Variants in PALLD observed in about 807,000 individuals in gnomAD.
PALLD encodes the protein palladin.
PALLD carries 61 observed loss-of-function variants against 123.5 expected under a neutral mutation model. The observed-to-expected ratio is 0.49, with a 90% CI of 0.40 to 0.61. PALLD has a LOEUF of 0.61. Among genes scored for constraint, PALLD ranks in the 20% least tolerant of loss-of-function variants. PALLD has a pLI of 0.00. For missense variants in PALLD, 1,273 were observed against 1,377.0 expected, an observed-to-expected ratio of 0.92 and a Z score of 1.20; for synonymous variants, 465 against 496.4, an observed-to-expected ratio of 0.94 and a Z score of 0.84.
At chr4:168,708,306 G>A (rs1266006199) in intron 8 of PALLD, among the ~76,000 whole-genome samples, 3 of 152,080 alleles carry the variant, frequency 2.0e-5, no homozygotes, top group East Asian at 1.9e-4. Context: ...CACAATAACC[G>A]TGTGGTGGTT....
At chr4:168,606,752 T>C (rs1773224387) in intron 2 of PALLD, among the ~76,000 whole-genome samples, 1 of 151,424 alleles carries the variant, frequency 6.6e-6, no homozygotes, top group African/African-American at 2.4e-5. Flanking sequence ...AAGAGCTTGG[T>C]GGCTGAACAC....
chr4:168,873,295 C>A (rs1751321451), intron 10 of PALLD, among the ~76,000 whole-genome samples: 1 of 152,138 alleles, frequency 6.6e-6, no homozygotes, highest in Admixed American at 6.5e-5. Flanking sequence ...AATATCAGGA[C>A]CAGAGGAGCT....
At chr4:168,747,506 T>C (rs1279480667) in intron 10 of PALLD, among the ~76,000 whole-genome samples, 1 of 152,200 alleles carries the variant, frequency 6.6e-6, no homozygotes, top group Non-Finnish European at 1.5e-5. Context: ...TTCAGACACA[T>C]GCTATGACAA....
intron 10 of PALLD, among the ~76,000 whole-genome samples, chr4:168,740,876 A>G (rs1788261309): frequency 6.6e-6 from 1 of 152,218 alleles, no homozygotes; most frequent in African/African-American, 2.4e-5. Flanking sequence ...AGTCTAAGAA[A>G]ATAGGCTGAA....
intron 10 of PALLD, among the ~76,000 whole-genome samples, chr4:168,739,526 G>C (rs1200819163): frequency 1.3e-5 from 2 of 152,170 alleles, no homozygotes; most frequent in Non-Finnish European, 2.9e-5. Context: ...ATAGTTAACA[G>C]AAAGTTGTTG....
chr4:168,859,303 A>T (rs997287637), intron 10 of PALLD, among the ~76,000 whole-genome samples: 5 of 152,108 alleles, frequency 3.3e-5, no homozygotes, highest in African/African-American at 1.2e-4. Context: ...CTCCTTTACA[A>T]CTGTGGCCTT....
Position 168,511,899 on chromosome 4 carries a change from G to T in PALLD, c.395G>T (p.Ser132Ile). 5 of 1,614,172 alleles carry T rather than the reference G, an allele frequency of 3.1e-6. No individual in the cohort carries two copies. Among genetic ancestry groups the T allele is most frequent in the Non-Finnish European group, 4.2e-6 (5 of 1,180,034 alleles). Residue 132 changes from serine to isoleucine, a missense_variant, in exon 2 of 22, where the codon AGC (serine) becomes ATC (isoleucine). Around this residue, in one of 2 missense-constraint regions of PALLD, gnomAD observed 944 missense variants for 954.5 expected, o/e 0.99. Transcript: ENST00000505667. ...ATGTCACCCCTGCTCACCAGGCCCA[G>T]CTACATCCGGAGCCTCCGAAAGGCT... is the stretch of plus-strand genomic sequence containing the variant. ...PAMSPLLTRPSYIRSLRKAEK... is the reference protein window; with the variant it reads ...PAMSPLLTRPIYIRSLRKAEK...
At chr4:168,863,783 A>G (rs753306700) in intron 10 of PALLD, 1 of 152,216 alleles carries the variant, frequency 6.6e-6, no homozygotes, top group African/African-American at 2.4e-5. Flanking sequence ...CCAAAGAAAA[A>G]AATCACCAGT....
chr4:168,799,087 G>A (rs1343287284), intron 10 of PALLD, among the ~76,000 whole-genome samples: 2 of 152,220 alleles, frequency 1.3e-5, no homozygotes, highest in East Asian at 3.8e-4. Flanking sequence ...GGAATCAGAA[G>A]TGAAGTACAG....
At chr4:168,710,885 C>T (rs1274658032) in intron 9 of PALLD, among the ~76,000 whole-genome samples, 1 of 152,180 alleles carries the variant, frequency 6.6e-6, no homozygotes, top group Non-Finnish European at 1.5e-5. Context: ...ATAGGTCAAA[C>T]ATAATCAACA....
At chr4:168,897,076 CCGCCT>C (rs1755364511) in intron 13 of PALLD, among the ~76,000 whole-genome samples, 1 of 152,174 alleles carries the variant, frequency 6.6e-6, no homozygotes, top group Non-Finnish European at 1.5e-5. Context: ...GGTGATCCAC[CCGCCT>C]TGGCTTCCCA....
chr4:168,656,316 A>C (rs1778565453), intron 2 of PALLD, among the ~76,000 whole-genome samples: 1 of 144,206 alleles, frequency 6.9e-6, no homozygotes, highest in Non-Finnish European at 1.5e-5. Flanking sequence ...GTAACTTTGA[A>C]GTGTGGCTTG....
intron 10 of PALLD, among the ~76,000 whole-genome samples, chr4:168,717,529 T>C (rs1009567645): frequency 2.0e-5 from 3 of 152,054 alleles, no homozygotes; most frequent in African/African-American, 7.2e-5. Context: ...TTTTGTACTT[T>C]TAGTAGAGAC....
chr4:168,529,006 G>A (rs369548793), intron 2 of PALLD, among the ~76,000 whole-genome samples: 78 of 152,288 alleles, frequency 5.1e-4, no homozygotes, highest in African/African-American at 1.9e-3. Context: ...ATCCAGATCA[G>A]TGGAAAGGAG....
intron 17 of PALLD, among the ~76,000 whole-genome samples, chr4:168,921,154 C>T (rs1052053722): frequency 7.9e-5 from 12 of 151,900 alleles, no homozygotes; most frequent in African/African-American, 2.9e-4. Flanking sequence ...GCTTGTAATC[C>T]CAGCACTTTG....
chr4:168,889,032 G>A (rs964803066), intron 10 of PALLD, among the ~76,000 whole-genome samples: 1 of 152,018 alleles, frequency 6.6e-6, no homozygotes, highest in Non-Finnish European at 1.5e-5. Context: ...CCAGTGTTTA[G>A]GTACATTCTT....
In PALLD at chr4:168,670,592, G is replaced by A. The variant is rs193240236; in HGVS notation, c.1087+2224G>A. On this transcript the variant is annotated intron_variant, in intron 3 of 21. Transcript: ENST00000505667. ...ACTAAAAATACAAAAAATTAGCCGGGCGCGGTGGCGGGCGCCTGTAGTCCC... is the reference window on the plus strand; with the variant it reads ...ACTAAAAATACAAAAAATTAGCCGGACGCGGTGGCGGGCGCCTGTAGTCCC... 8.8e-3 allele frequency among the ~76,000 whole-genome samples: 1,326 copies of A among 150,946 alleles called. 22 individuals carry two copies. Among genetic ancestry groups the A allele is most frequent in the Non-Finnish European group, 0.01 (703 of 67,760 alleles).
At chr4:168,702,525 G>T (rs980193485) in intron 8 of PALLD, among the ~76,000 whole-genome samples, 4 of 152,132 alleles carry the variant, frequency 2.6e-5, no homozygotes, top group African/African-American at 9.7e-5. Context: ...TTGCACTCCA[G>T]CCTGGGCGAC....
chr4:168,704,397 C>T (rs1052408938), intron 8 of PALLD, among the ~76,000 whole-genome samples: 4 of 152,200 alleles, frequency 2.6e-5, no homozygotes, highest in East Asian at 1.9e-4. Flanking sequence ...GTTGACTGGA[C>T]GCGGTGGCTC....
Sources: gnomAD v4.1 joint callset for allele counts (sites outside exome capture counted in the v4.1 genomes callset) on GRCh38, gnomAD v4.1.1 for gene constraint, gnomAD v4.1.1 regional missense constraint, MANE v1.5 for transcripts, NCBI Gene and HGNC (gene_info 2026-07-23, HGNC 2026-07-21) for gene names.